The following SDK1 variants were observed in gnomAD, a reference collection of about 807,000 sequenced individuals.
SDK1 encodes sidekick cell adhesion molecule 1.
Under a neutral mutation model 245.5 loss-of-function variants are expected in SDK1, and 157 were observed. That is an observed-to-expected ratio of 0.64 (90% confidence interval 0.56 to 0.73). The LOEUF is 0.73. SDK1 is among the 30% of genes least tolerant of loss of function. SDK1 has a pLI of 0.00. For missense variants in SDK1, 3,583 were observed against 3,002.3 expected, an observed-to-expected ratio of 1.19 and a Z score of -4.52; for synonymous variants, 1,647 against 1,278.5, an observed-to-expected ratio of 1.29 and a Z score of -6.15.
Position 3,946,896 on chromosome 7 carries a change from A to G in SDK1, c.848-4027A>G, listed in dbSNP as rs149856454. Among the ~76,000 whole-genome samples, 364 of 152,248 alleles carry G rather than the reference A, an allele frequency of 2.4e-3. 3 individuals carry two copies. Among genetic ancestry groups the G allele is most frequent in the African/African-American group, 8.3e-3 (345 of 41,548 alleles). On this transcript the variant is annotated intron_variant, in intron 5 of 44. Coordinates refer to ENST00000404826, the MANE Select transcript of SDK1 (RefSeq NM_152744.4). The stretch of plus-strand genomic sequence containing the variant: ...AAAAGGCTATAAACAGAATGCAGCC[A>G]TTTTTGCCACTCACACCAGAGGCGT...
chr7:4,128,323 G>A (rs749134880), intron 26 of SDK1, among the ~76,000 whole-genome samples: 1 of 152,214 alleles, frequency 6.6e-6, no homozygotes, highest in Non-Finnish European at 1.5e-5. Flanking sequence ...GGTGTTCTAA[G>A]TGCGCCCTGC....
chr7:3,749,318 G>T (rs1779712321), intron 4 of SDK1, among the ~76,000 whole-genome samples: 1 of 150,952 alleles, frequency 6.6e-6, no homozygotes, highest in South Asian at 2.1e-4. Flanking sequence ...TTTCTTTTTT[G>T]AAATGGAGTC....
chr7:3,323,765 A>G (rs962882347), intron 1 of SDK1, among the ~76,000 whole-genome samples: 1 of 152,238 alleles, frequency 6.6e-6, no homozygotes, highest in Non-Finnish European at 1.5e-5. Flanking sequence ...GCTGTAGAAT[A>G]TGACATTGTC....
At chr7:3,315,219 G>A (rs4722667) in intron 1 of SDK1, among the ~76,000 whole-genome samples, 36,158 of 152,112 alleles carry the variant, frequency 0.24, 4,754 homozygotes, top group East Asian at 0.42. Flanking sequence ...TGAAAAATGA[G>A]GTTAGAGTTC....
intron 35 of SDK1, among the ~76,000 whole-genome samples, chr7:4,182,586 A>T (rs926645729): frequency 6.6e-6 from 1 of 152,216 alleles, no homozygotes; most frequent in African/African-American, 2.4e-5. Flanking sequence ...GCAGGGCTGC[A>T]GGGAAGGCTA....
chr7:4,117,805 G>A (rs1233056787), intron 25 of SDK1, among the ~76,000 whole-genome samples: 1 of 152,182 alleles, frequency 6.6e-6, no homozygotes, highest in East Asian at 1.9e-4. Context: ...ATCTGTGTAA[G>A]GGAAGAGTTA....
chr7:3,974,596 T>G, intron 13 of SDK1, 51 bp downstream of exon 13: 1 of 1,564,340 alleles, frequency 6.4e-7, no homozygotes, highest in Non-Finnish European at 8.8e-7. Context: ...TCTCCGTTAC[T>G]GTGCCCCTGT....
At chr7:3,777,456 G>A (rs1780599908) in intron 4 of SDK1, among the ~76,000 whole-genome samples, 1 of 152,196 alleles carries the variant, frequency 6.6e-6, no homozygotes, top group Non-Finnish European at 1.5e-5. Context: ...TTTTACAGAT[G>A]AGGAGACATT....
chr7:3,840,194 G>A (rs1460688293), intron 5 of SDK1, among the ~76,000 whole-genome samples: 1 of 152,182 alleles, frequency 6.6e-6, no homozygotes, highest in African/African-American at 2.4e-5. Context: ...GCCATGTTCA[G>A]TGAAAGTGGT....
intron 44 of SDK1, among the ~76,000 whole-genome samples, chr7:4,262,641 T>C (rs1452174045): frequency 6.8e-6 from 1 of 148,134 alleles, no homozygotes; most frequent in Admixed American, 6.7e-5. Context: ...CGGAGGTCTC[T>C]GTGGATGTGA....
At chr7:4,137,036 G>A (rs141268827) in intron 28 of SDK1, among the ~76,000 whole-genome samples, 8 of 152,216 alleles carry the variant, frequency 5.3e-5, no homozygotes, top group Non-Finnish European at 7.3e-5. Flanking sequence ...CCAGATGGTC[G>A]TGCTTTGGAG....
chr7:3,441,831 C>T (rs1780205439), intron 1 of SDK1, among the ~76,000 whole-genome samples: 2 of 152,164 alleles, frequency 1.3e-5, no homozygotes, highest in African/African-American at 4.8e-5. Context: ...GTAAACCACT[C>T]AGTGTCACCG....
At chr7:3,947,248 C>T (rs1187574448) in intron 5 of SDK1, among the ~76,000 whole-genome samples, 1 of 152,184 alleles carries the variant, frequency 6.6e-6, no homozygotes, top group Admixed American at 6.5e-5. Flanking sequence ...AAGCCACCCT[C>T]ACCCCCAATT....
At chr7:3,352,627 A>C (rs1488612860) in intron 1 of SDK1, among the ~76,000 whole-genome samples, 2 of 152,206 alleles carry the variant, frequency 1.3e-5, no homozygotes, top group African/African-American at 4.8e-5. Flanking sequence ...CATGTTGAAT[A>C]ACAGAGCCAC....
At position 4,114,219 on chromosome 7, in the gene SDK1, C is replaced by T. The variant is rs549888988; in HGVS notation, c.3768C>T (p.Asn1256=). The T allele has an allele frequency of 3.0e-5, 49 of 1,613,440 alleles. No homozygotes were observed. The highest frequency in any genetic ancestry group is 2.3e-4 in the South Asian group (21 of 91,060). The change falls in exon 25 of 45, where the codon AAC becomes AAT. Residue 1256 remains asparagine, a synonymous_variant. Coordinates refer to ENST00000404826, the MANE Select transcript of SDK1 (RefSeq NM_152744.4). ...ACGAGCTGCAGATGCAGGCCTTCAA[C>T]GCCGTCGGGGCTGGGCCGTGGAGCG... ...MEYELQMQAF[N]AVGAGPWSEV...
intron 13 of SDK1, among the ~76,000 whole-genome samples, chr7:3,983,845 C>G (rs1429797693): frequency 6.6e-6 from 1 of 152,184 alleles, no homozygotes; most frequent in African/African-American, 2.4e-5. Flanking sequence ...TGGGCCATCA[C>G]ACTGAGTGTG....
chr7:4,241,788 T>A lies in SDK1; in HGVS notation c.6131-5T>A, dbSNP rs763513317. On this transcript the variant is annotated splice_polypyrimidine_tract_variant and splice_region_variant and intron_variant, in intron 42 of 44. Transcript: ENST00000404826. ...GTCTGTTCTCACTCTCCTGCTGGGC[T>A]TTAGGAAAGGGGATCTCCACCATGG... The A allele has an allele frequency of 1.2e-6, 2 of 1,613,972 alleles. No homozygotes were observed. Among genetic ancestry groups the A allele is most frequent in the Non-Finnish European group, 1.7e-6 (2 of 1,180,008 alleles).
chr7:4,208,313 C>T (rs750448708), intron 37 of SDK1, 28 bp downstream of exon 37: 17 of 1,601,572 alleles, frequency 1.1e-5, no homozygotes, highest in Admixed American at 5.1e-5. Flanking sequence ...TTCCTTTGGG[C>T]AGGCCTCCTT....
chr7:3,677,854 A>G (rs1334148264), intron 4 of SDK1, among the ~76,000 whole-genome samples: 3 of 152,222 alleles, frequency 2.0e-5, no homozygotes, highest in African/African-American at 7.2e-5. Flanking sequence ...ATGGATAACC[A>G]GCTGATTTTT....
Sources: gnomAD v4.1 joint callset for allele counts (sites outside exome capture counted in the v4.1 genomes callset) on GRCh38, gnomAD v4.1.1 for gene constraint, MANE v1.5 for transcripts, NCBI Gene and HGNC (gene_info 2026-07-23, HGNC 2026-07-21) for gene names.